Variants in MAPKAPK3 observed in about 807,000 individuals in gnomAD.
The protein encoded by MAPKAPK3 is MAPK activated protein kinase 3, also known as MAP kinase-activated protein kinase 3.
In MAPKAPK3, 35 loss-of-function variants were observed where a neutral mutation model predicts 49.2. The ratio of observed to expected loss-of-function variants is 0.71; its 90% CI spans 0.54 to 0.94. The LOEUF (loss-of-function observed/expected upper bound fraction) is 0.94, where lower values mean the gene tolerates loss of function less well. Ranked by LOEUF, MAPKAPK3 falls within the 40% of genes least tolerant of loss-of-function variation. The pLI, the probability that MAPKAPK3 is intolerant of heterozygous loss-of-function variation, is 0.00. For synonymous variants in MAPKAPK3, 178 were observed against 188.7 expected (o/e 0.94, Z 0.46); for missense variants, 398 against 493.1 (o/e 0.81, Z 1.83).
intron 3 of MAPKAPK3, among the ~76,000 whole-genome samples, chr3:50,641,302 G>A (rs1036926746): frequency 1.3e-5 from 2 of 152,162 alleles, no homozygotes; most frequent in Admixed American, 6.5e-5. Context: ...CTCATGAAAC[G>A]TGGATCCCAG....
chr3:50,616,379 G>A (rs2032464633), upstream of MAPKAPK3, among the ~76,000 whole-genome samples: 2 of 152,218 alleles, frequency 1.3e-5, no homozygotes, highest in Non-Finnish European at 2.9e-5. Flanking sequence ...AATACGTAAG[G>A]TAGTCTAAGA....
At chr3:50,640,971 A>T (rs1271799629) in intron 3 of MAPKAPK3, among the ~76,000 whole-genome samples, 1 of 152,158 alleles carries the variant, frequency 6.6e-6, no homozygotes, top group African/African-American at 2.4e-5. Context: ...TCTTCCTGTA[A>T]CACCATGGCT....
intron 2 of MAPKAPK3, among the ~76,000 whole-genome samples, chr3:50,633,749 G>T (rs1409411328): frequency 6.6e-6 from 1 of 152,230 alleles, no homozygotes; most frequent in East Asian, 1.9e-4. Context: ...TTCCCACCCT[G>T]CTTGCCTCAC....
chr3:50,621,826 G>A (rs541614981), intron 2 of MAPKAPK3, among the ~76,000 whole-genome samples: 1 of 152,164 alleles, frequency 6.6e-6, no homozygotes, highest in Non-Finnish European at 1.5e-5. Context: ...TAATGGTGGG[G>A]TCTTCTTTCC....
chr3:50,615,088 A>G (rs562426889), upstream of MAPKAPK3, among the ~76,000 whole-genome samples: 2 of 152,322 alleles, frequency 1.3e-5, no homozygotes, highest in East Asian at 3.9e-4. Flanking sequence ...GCCAGCCTCC[A>G]CCCTCAGCTG....
At chr3:50,619,310 G>A (rs2107572209) in intron 2 of MAPKAPK3, among the ~76,000 whole-genome samples, 1 of 152,332 alleles carries the variant, frequency 6.6e-6, no homozygotes, top group Middle Eastern at 3.4e-3. Flanking sequence ...AACAGAGGAG[G>A]TTGTCTCCCC....
chr3:50,626,742 A>G (rs2032755449), intron 2 of MAPKAPK3, among the ~76,000 whole-genome samples: 1 of 152,206 alleles, frequency 6.6e-6, no homozygotes, highest in South Asian at 2.1e-4. Context: ...CGCCCATGCC[A>G]TGGATGCAGA....
At chr3:50,632,582 G>T (rs2032939289) in intron 2 of MAPKAPK3, among the ~76,000 whole-genome samples, 1 of 152,230 alleles carries the variant, frequency 6.6e-6, no homozygotes, top group Non-Finnish European at 1.5e-5. Context: ...TTGCTGTAGG[G>T]CTGATGTCTC....
At chr3:50,615,569 G>A (rs1305856995), upstream of MAPKAPK3, among the ~76,000 whole-genome samples, 1 of 152,196 alleles carries the variant, frequency 6.6e-6, no homozygotes, top group African/African-American at 2.4e-5. Flanking sequence ...GACAGCTGCT[G>A]ACCTCAGACA....
rs776095845 is a variant in MAPKAPK3, at chr3:50,647,959, G to A, written c.1062G>A (p.Leu354=). Residue 354 remains leucine (L), a synonymous_variant, in exon 11 of 11, where the codon CTG becomes CTA. Transcript: ENST00000621469. ...ACGACCAGGTGAAGATCAAGGACCT[G>A]AAGACCTCTAACAACCGGCTCCTCA... The part of the protein sequence containing the change: ...VDYDQVKIKD[L]KTSNNRLLNK... 1 of 1,614,034 alleles carries A rather than the reference G, an allele frequency of 6.2e-7. No individual in the cohort carries two copies. The highest frequency in any genetic ancestry group is 8.5e-7 in the Non-Finnish European group (1 of 1,179,994).
chr3:50,647,668 A>AG (rs2033336148), intron 10 of MAPKAPK3, among the ~76,000 whole-genome samples: 1 of 152,230 alleles, frequency 6.6e-6, no homozygotes, highest in African/African-American at 2.4e-5. Flanking sequence ...GGTCCGAGGG[A>AG]GTAACTCTCC....
chr3:50,634,485 C>T (rs1378734759), intron 2 of MAPKAPK3, among the ~76,000 whole-genome samples: 1 of 151,258 alleles, frequency 6.6e-6, no homozygotes, highest in East Asian at 1.9e-4. Context: ...CTCCTATCTT[C>T]TTCTTCTTTT....
rs1041696500 is a variant in MAPKAPK3 at position 50,617,671 on chromosome 3, A to G, written c.106A>G (p.Lys36Glu). Residue 36 changes from lysine (K) to glutamate (E), a missense_variant, in exon 2 of 11, where the codon AAG becomes GAG. Transcript: ENST00000621469. The stretch of plus-strand genomic sequence containing the variant: ...TCCGGGGGGGCGGCGGGAGCCCAAG[A>G]AGTACGCAGTGACCGACGACTACCA... Reference protein sequence around the residue: ...GAPGGRREPKKYAVTDDYQLS... With the variant: ...GAPGGRREPKEYAVTDDYQLS... 3 of 1,612,584 alleles carry G rather than the reference A, an allele frequency of 1.9e-6. No homozygotes were observed. Among genetic ancestry groups the G allele is most frequent in the Admixed American group, 1.7e-5 (1 of 59,996 alleles).
intron 2 of MAPKAPK3, among the ~76,000 whole-genome samples, chr3:50,623,045 G>C (rs2032648119): frequency 6.6e-6 from 1 of 152,190 alleles, no homozygotes; most frequent in African/African-American, 2.4e-5. Context: ...AGGTGAAGCT[G>C]CCAGGCAGGC....
At chr3:50,643,246 T>G (rs1033661032) in intron 5 of MAPKAPK3, among the ~76,000 whole-genome samples, 3 of 152,206 alleles carry the variant, frequency 2.0e-5, no homozygotes, top group African/African-American at 7.2e-5. Flanking sequence ...TGCTGAGCCC[T>G]GGAGGAAGGA....
chr3:50,631,044 C>T (rs1447286318), intron 2 of MAPKAPK3, among the ~76,000 whole-genome samples: 3 of 152,174 alleles, frequency 2.0e-5, no homozygotes, highest in Admixed American at 6.5e-5. Context: ...TCCTTGGAAC[C>T]GAGCCTCTGA....
chr3:50,619,852 C>T (rs1450005458), intron 2 of MAPKAPK3, among the ~76,000 whole-genome samples: 1 of 152,172 alleles, frequency 6.6e-6, no homozygotes. Flanking sequence ...TTCCACAGCA[C>T]CTCATCAGTG....
In MAPKAPK3 at chr3:50,646,211, G is replaced by T. The variant is rs775712762; in HGVS notation, c.776G>T (p.Arg259Leu). The change falls in exon 8 of 11, where the codon CGC (arginine) becomes CTC (leucine). Residue 259 changes from arginine to leucine, a missense_variant. Coordinates refer to ENST00000621469, the MANE Select transcript of MAPKAPK3 (RefSeq NM_001243925.2). ...AISPGMKRRI[R>L]LGQYGFPNPE... ...TCCCCGGGGATGAAGAGGAGGATTC[G>T]CCTGGGCCAGTACGGCTTCCCCAAT... The T allele has an allele frequency of 6.2e-7, 1 of 1,613,988 alleles. No homozygotes were observed. Among genetic ancestry groups the T allele is most frequent in the East Asian group, 2.2e-5 (1 of 44,892 alleles).
intron 2 of MAPKAPK3, among the ~76,000 whole-genome samples, chr3:50,625,157 G>T (rs988786596): frequency 6.6e-6 from 1 of 152,066 alleles, no homozygotes; most frequent in Admixed American, 6.5e-5. Context: ...TGAATATGTG[G>T]TGGGGAGTAG....
Sources: gnomAD v4.1 joint callset for allele counts (sites outside exome capture counted in the v4.1 genomes callset) on GRCh38, gnomAD v4.1.1 for gene constraint, MANE v1.5 for transcripts, NCBI Gene and HGNC (gene_info 2026-07-23, HGNC 2026-07-21) for gene names.